CA6: variants seen among roughly 807,000 people sequenced by gnomAD.
CA6 encodes the protein carbonate dehydratase VI.
Under a neutral mutation model 35.9 loss-of-function variants are expected in CA6, and 28 were observed. The ratio of observed to expected loss-of-function variants is 0.78; its 90% CI spans 0.58 to 1.07. The LOEUF (loss-of-function observed/expected upper bound fraction) is 1.07, where lower values mean the gene tolerates loss of function less well. Among genes scored for constraint, CA6 ranks in the 50% least tolerant of loss-of-function variants. The pLI, the probability that CA6 is intolerant of heterozygous loss-of-function variation, is 0.00. For synonymous variants in CA6, 148 were observed against 152.6 expected (o/e 0.97, Z 0.22); for missense variants, 377 against 382.0 (o/e 0.99, Z 0.11).
intron 3 of CA6, 67 bp from the exon 4 acceptor site, chr1:8,958,843 C>A: frequency 2.3e-6 from 2 of 874,744 alleles, no homozygotes; most frequent in Non-Finnish European, 3.7e-6. Context: ...CTTCCTCCTT[C>A]CCTGGAAATC....
chr1:8,948,768 G>A (rs1030751445), intron 1 of CA6, among the ~76,000 whole-genome samples: 6 of 152,080 alleles, frequency 3.9e-5, no homozygotes, highest in Non-Finnish European at 8.8e-5. Context: ...TCAGGAGTTA[G>A]AGATCAGCCT....
At chr1:8,961,296 T>C (rs1490523951) in intron 4 of CA6, among the ~76,000 whole-genome samples, 2 of 152,220 alleles carry the variant, frequency 1.3e-5, no homozygotes, top group African/African-American at 4.8e-5. Context: ...AAAGACTACA[T>C]ACATATATTT....
At chr1:8,947,362 C>T (rs1346571521) in intron 1 of CA6, among the ~76,000 whole-genome samples, 3 of 151,994 alleles carry the variant, frequency 2.0e-5, no homozygotes, top group Admixed American at 1.3e-4. Context: ...GCAGAGTCTG[C>T]CCCAGTTCAG....
intron 2 of CA6, among the ~76,000 whole-genome samples, chr1:8,953,563 A>G (rs1639595514): frequency 6.6e-6 from 1 of 152,180 alleles, no homozygotes. Flanking sequence ...TCAAGGCTGC[A>G]GTGAGCTATG....
intron 2 of CA6, among the ~76,000 whole-genome samples, chr1:8,954,779 T>A (rs1639629874): frequency 6.6e-6 from 1 of 152,000 alleles, no homozygotes; most frequent in Non-Finnish European, 1.5e-5. Context: ...TTCGCCATGT[T>A]GGCTAGGTTG....
At chr1:8,958,793 T>C in intron 3 of CA6, 117 bp from the exon 4 acceptor site, 1 of 598,790 alleles carries the variant, frequency 1.7e-6, no homozygotes. Context: ...GTTGCTTGTG[T>C]GGAACAGTCT....
intron 1 of CA6, 129 bp from the exon 2 acceptor site, chr1:8,949,132 TTC>T: frequency 1.7e-6 from 1 of 601,640 alleles, no homozygotes; most frequent in Non-Finnish European, 2.8e-6. Flanking sequence ...GGGGACCTGC[TTC>T]TGCTTTCTGG....
At chr1:8,972,883 A>G (rs1338521150) in intron 7 of CA6, among the ~76,000 whole-genome samples, 1 of 152,194 alleles carries the variant, frequency 6.6e-6, no homozygotes, top group Non-Finnish European at 1.5e-5. Flanking sequence ...AAAAACTGAC[A>G]TCAGTTACAG....
rs2124212346 is a variant in CA6 at position 8,945,968 on chromosome 1, G to A, written c.79+3G>A. On this transcript the variant is annotated splice_donor_region_variant and intron_variant, in intron 1 of 7. Coordinates refer to ENST00000377443, the MANE Select transcript of CA6 (RefSeq NM_001215.4). Reference sequence around the variant, plus strand: ...TGTGTCTGACTGGACCTACTCAGGTGAGCCCCTAGCTTCTGCATGCTCCCC... The same window carrying A: ...TGTGTCTGACTGGACCTACTCAGGTAAGCCCCTAGCTTCTGCATGCTCCCC... The A allele has an allele frequency of 1.9e-6, 3 of 1,607,900 alleles. No individual in the cohort carries two copies. Among genetic ancestry groups the A allele is most frequent in the Middle Eastern group, 1.7e-4 (1 of 6,050 alleles).
intron 2 of CA6, among the ~76,000 whole-genome samples, chr1:8,956,450 A>G (rs911345788): frequency 1.3e-5 from 2 of 152,122 alleles, no homozygotes; most frequent in Non-Finnish European, 2.9e-5. Context: ...ACTTGAGGTC[A>G]GGAGTTCGAG....
rs181233618 is a variant in CA6, at chr1:8,970,992, C to A, written c.844+11C>A. On this transcript the variant is annotated intron_variant, in intron 7 of 7. Transcript: ENST00000377443. ...ACTTCCCGAATCAGGGTGAGTGAGA[C>A]CGACTCTTGATCATGCTCTGCAGTT... 3.2e-4 allele frequency: 485 copies of A among 1,535,296 alleles called. 4 individuals carry two copies. Among genetic ancestry groups the A allele is most frequent in the East Asian group, 5.2e-4 (23 of 44,432 alleles).
At position 8,973,784 on chromosome 1, in the gene CA6, C is replaced by CTTTCTTTCTTTCTTTCT. The variant is rs375258281; in HGVS notation, c.845-835_845-834insCTTTCTTTCTTTCTTTT. On this transcript the variant is annotated intron_variant, in intron 7 of 7. Coordinates refer to ENST00000377443, the MANE Select transcript of CA6 (RefSeq NM_001215.4). The stretch of plus-strand genomic sequence containing the variant: ...TCTTTCTTTCTTTCTTTCTTTCTTT[C>CTTTCTTTCTTTCTTTCT]TTTTCCCTCCCTCCCTCTCTCTCTC... 7.7e-4 allele frequency among the ~76,000 whole-genome samples: 40 copies of CTTTCTTTCTTTCTTTCT among 52,042 alleles called. 3 individuals carry two copies. Among genetic ancestry groups the CTTTCTTTCTTTCTTTCT allele is most frequent in the African/African-American group, 1.1e-3 (15 of 13,562 alleles). The allele number at this position is 52,042 out of a possible 152,430, so 34.1% of individuals were successfully genotyped here.
At chr1:8,960,496 A>C (rs887760929) in intron 4 of CA6, among the ~76,000 whole-genome samples, 5 of 152,034 alleles carry the variant, frequency 3.3e-5, no homozygotes, top group African/African-American at 1.2e-4. Context: ...CAAAAAAGGA[A>C]TCTCAATGGA....
chr1:8,974,534 C>A, intron 7 of CA6, 88 bp from the exon 8 acceptor site: 2 of 1,411,218 alleles, frequency 1.4e-6, no homozygotes, highest in East Asian at 2.4e-5. Flanking sequence ...AAATACGATG[C>A]GGGTATGGTG....
At position 8,974,876 on chromosome 1, in the gene CA6, T is replaced by C; in HGVS notation, c.*172T>C. On this transcript the variant is annotated 3_prime_UTR_variant, in exon 8 of 8. Transcript: ENST00000377443. ...CTGATTAAAAGAGGGGAAACGATCATCCTGGACAGGAAGTGAGATGGCTTC... is the reference window on the plus strand; with the variant it reads ...CTGATTAAAAGAGGGGAAACGATCACCCTGGACAGGAAGTGAGATGGCTTC... 1 of 506,218 alleles carries C rather than the reference T, an allele frequency of 2.0e-6. No homozygotes were observed. The highest frequency in any genetic ancestry group is 3.4e-6 in the Non-Finnish European group (1 of 290,098). The allele number at this position is 506,218 out of a possible 1,614,324, so 31.4% of individuals were successfully genotyped here. A position where few individuals can be genotyped will look rare whatever the true frequency, so the allele number is the denominator to read the frequency against.
In CA6 at chr1:8,967,769, G is replaced by T; in HGVS notation, c.682G>T (p.Val228Phe). The change falls in exon 6 of 8, where the codon GTC becomes TTC. Residue 228 changes from valine to phenylalanine, a missense_variant. Physicochemically the swap from Val to Phe is conservative, Grantham distance 50. Transcript: ENST00000377443. The stretch of plus-strand genomic sequence containing the variant: ...CACCACGCCTCCCTGCACTGAGAAC[G>T]TCCACTGGTTTGTGCTGGCAGATTT... ...SLTTPPCTEN[V>F]HWFVLADFVK... 2 of 1,613,970 alleles carry T rather than the reference G, an allele frequency of 1.2e-6. No homozygotes were observed. Among genetic ancestry groups the T allele is most frequent in the Non-Finnish European group, 1.7e-6 (2 of 1,179,992 alleles).
At chr1:8,960,069 T>TA (rs1329799632) in intron 4 of CA6, among the ~76,000 whole-genome samples, 1 of 149,200 alleles carries the variant, frequency 6.7e-6, no homozygotes, top group Non-Finnish European at 1.5e-5. Flanking sequence ...CCATCTCTAC[T>TA]AAAAATACAA....
chr1:8,973,263 G>A (rs1640154502), intron 7 of CA6, among the ~76,000 whole-genome samples: 2 of 151,970 alleles, frequency 1.3e-5, no homozygotes, highest in South Asian at 4.1e-4. Flanking sequence ...CAGGTGATCC[G>A]CCTGCCCGGC....
chr1:8,970,184 G>A (rs1211454083), intron 6 of CA6, among the ~76,000 whole-genome samples: 1 of 130,710 alleles, frequency 7.7e-6, no homozygotes, highest in East Asian at 2.2e-4. Flanking sequence ...CCAGCCTGGC[G>A]ACAGAGCGAG....
Sources: gnomAD v4.1 joint callset for allele counts (sites outside exome capture counted in the v4.1 genomes callset) on GRCh38, gnomAD v4.1.1 for gene constraint, MANE v1.5 for transcripts, NCBI Gene and HGNC (gene_info 2026-07-23, HGNC 2026-07-21) for gene names.